Variants in ZNF407 observed in about 807,000 individuals in gnomAD.
ZNF407 encodes the protein zinc finger protein 407.
A neutral mutation model predicts 131.2 loss-of-function variants in ZNF407; 17 were observed. The observed-to-expected ratio is 0.13, with a 90% CI of 0.09 to 0.19. The LOEUF (loss-of-function observed/expected upper bound fraction) is 0.19. Among genes scored for constraint, ZNF407 ranks in the 10% least tolerant of loss-of-function variants. ZNF407 has a pLI of 1.00. For synonymous variants in ZNF407, 1,156 were observed against 1,062.0 expected (o/e 1.09, Z -1.72); for missense variants, 2,681 against 2,830.6 (o/e 0.95, Z 1.20).
intron 1 of ZNF407, among the ~76,000 whole-genome samples, chr18:74,606,018 A>G (rs1457272736): frequency 6.6e-6 from 1 of 152,202 alleles, no homozygotes. Context: ...TTTGGAGAGG[A>G]AAGAGGCCAT....
Position 74,900,035 on chromosome 18 carries a change from G to A in ZNF407, c.5249+9997G>A, listed in dbSNP as rs141303210. Reference sequence around the variant, plus strand: ...TTTGTGTTGGCATTCATTTGTTTGCGTAAAATCACTTTCTGAAATGTACTT... The same window carrying A: ...TTTGTGTTGGCATTCATTTGTTTGCATAAAATCACTTTCTGAAATGTACTT... On this transcript the variant is annotated intron_variant, in intron 7 of 8. Coordinates refer to ENST00000299687, the MANE Select transcript of ZNF407 (RefSeq NM_017757.3). Among the ~76,000 whole-genome samples, 1,190 of 152,280 alleles carry A rather than the reference G, an allele frequency of 7.8e-3. 7 individuals are homozygous for A. Among genetic ancestry groups the A allele is most frequent in the Non-Finnish European group, 0.013 (875 of 67,998 alleles).
chr18:74,947,568 G>A (rs980437706), intron 8 of ZNF407, among the ~76,000 whole-genome samples: 3 of 152,186 alleles, frequency 2.0e-5, no homozygotes, highest in African/African-American at 4.8e-5. Context: ...GCAGGTTCTA[G>A]TGCACACTGA....
intron 1 of ZNF407, among the ~76,000 whole-genome samples, chr18:74,600,379 C>T (rs1295753983): frequency 6.6e-6 from 1 of 152,186 alleles, no homozygotes; most frequent in Non-Finnish European, 1.5e-5. Context: ...AAACTGCCAC[C>T]TCTGTTGCTG....
intron 3 of ZNF407, among the ~76,000 whole-genome samples, chr18:74,651,287 G>C (rs570645503): frequency 6.6e-6 from 1 of 152,268 alleles, no homozygotes; most frequent in African/African-American, 2.4e-5. Flanking sequence ...TGCACTTTGG[G>C]AAGAAGTTAA....
chr18:74,673,032 G>A (rs1305047769), intron 3 of ZNF407, among the ~76,000 whole-genome samples: 1 of 152,102 alleles, frequency 6.6e-6, no homozygotes, highest in Non-Finnish European at 1.5e-5. Context: ...GTATTTACTG[G>A]GAGGTGCTGG....
intron 6 of ZNF407, among the ~76,000 whole-genome samples, chr18:74,882,210 G>A (rs1971248423): frequency 6.6e-6 from 1 of 152,174 alleles, no homozygotes; most frequent in Non-Finnish European, 1.5e-5. Flanking sequence ...AATCTAATGG[G>A]TCTTATGAGT....
chr18:74,886,540 C>T lies in ZNF407; in HGVS notation c.5129-3378C>T, dbSNP rs143246172. Among the ~76,000 whole-genome samples, 55 of 152,124 alleles carry T rather than the reference C, an allele frequency of 3.6e-4. No individual in the cohort carries two copies. In the East Asian group the frequency reaches 8.3e-3, roughly 23 times the overall value. On this transcript the variant is annotated intron_variant, in intron 6 of 8. Transcript: ENST00000299687. ...AATGGATAATCAAACTTGGTACACC[C>T]GTATAATGGAATACTACTCTGCAAC...
chr18:74,857,128 A>G (rs1344515430), intron 4 of ZNF407, among the ~76,000 whole-genome samples: 1 of 152,236 alleles, frequency 6.6e-6, no homozygotes, highest in Non-Finnish European at 1.5e-5. Flanking sequence ...TAATAAGAGT[A>G]TTAAAGACAG....
intron 1 of ZNF407, among the ~76,000 whole-genome samples, chr18:74,603,860 T>C (rs1021945237): frequency 3.9e-5 from 6 of 152,228 alleles, no homozygotes; most frequent in African/African-American, 1.4e-4. Context: ...TAATATTTTC[T>C]ATTATGGATA....
At chr18:75,060,567 G>A (rs1973617768) in intron 8 of ZNF407, among the ~76,000 whole-genome samples, 1 of 145,662 alleles carries the variant, frequency 6.9e-6, no homozygotes, top group East Asian at 2.0e-4. Context: ...GTGCGATGGC[G>A]CGGTCTCGGC....
Position 74,988,032 on chromosome 18 carries a change from A to G in ZNF407, c.5428+67340A>G, listed in dbSNP as rs149303023. Among the ~76,000 whole-genome samples, 532 of 152,344 alleles carry G rather than the reference A, an allele frequency of 3.5e-3. 4 individuals carry two copies. The highest frequency in any genetic ancestry group is 0.012 in the African/African-American group (494 of 41,582). On this transcript the variant is annotated intron_variant, in intron 8 of 8. Coordinates refer to ENST00000299687, the MANE Select transcript of ZNF407 (RefSeq NM_017757.3). ...GAAAACAAACTTGGAAGACATGCATACTGGATTCCAATACCTACTCTAAAG... is the reference window on the plus strand; with the variant it reads ...GAAAACAAACTTGGAAGACATGCATGCTGGATTCCAATACCTACTCTAAAG...
chr18:75,006,768 C>T (rs1301836185), intron 8 of ZNF407, among the ~76,000 whole-genome samples: 1 of 152,036 alleles, frequency 6.6e-6, no homozygotes, highest in Non-Finnish European at 1.5e-5. Flanking sequence ...AATTTGTCTG[C>T]CATTTACCAA....
At chr18:75,015,523 T>G (rs1973032801) in intron 8 of ZNF407, among the ~76,000 whole-genome samples, 1 of 148,004 alleles carries the variant, frequency 6.8e-6, no homozygotes, top group South Asian at 2.1e-4. Flanking sequence ...AATATATATG[T>G]TTATATATAA....
intron 4 of ZNF407, among the ~76,000 whole-genome samples, chr18:74,822,844 A>T (rs1434307802): frequency 6.6e-6 from 1 of 152,210 alleles, no homozygotes; most frequent in Non-Finnish European, 1.5e-5. Context: ...TTGAATCTAT[A>T]AATTACTTTG....
chr18:74,852,080 A>G (rs1970792450), intron 4 of ZNF407, among the ~76,000 whole-genome samples: 1 of 151,974 alleles, frequency 6.6e-6, no homozygotes, highest in Non-Finnish European at 1.5e-5. Context: ...ACAGGCGCCT[A>G]CCGCGGCAGA....
chr18:74,924,060 C>T (rs112916138), intron 8 of ZNF407, among the ~76,000 whole-genome samples: 2 of 152,166 alleles, frequency 1.3e-5, no homozygotes, highest in African/African-American at 4.8e-5. Context: ...AAGTAAGTCT[C>T]ACAGTCTTAT....
At chr18:75,049,101 G>A (rs868480813) in intron 8 of ZNF407, among the ~76,000 whole-genome samples, 1 of 138,174 alleles carries the variant, frequency 7.2e-6, no homozygotes, top group African/African-American at 2.9e-5. Flanking sequence ...TTTTTTTTGG[G>A]TGGGGGGGGG....
intron 3 of ZNF407, among the ~76,000 whole-genome samples, chr18:74,658,817 A>T (rs1985590813): frequency 6.6e-6 from 1 of 152,208 alleles, no homozygotes; most frequent in African/African-American, 2.4e-5. Flanking sequence ...GTAGACATTT[A>T]TTCAACTATG....
intron 4 of ZNF407, among the ~76,000 whole-genome samples, chr18:74,809,410 T>C (rs1345188692): frequency 6.6e-6 from 1 of 152,240 alleles, no homozygotes; most frequent in Non-Finnish European, 1.5e-5. Context: ...TATAGAAATA[T>C]GTACAAACTA....
Sources: allele counts gnomAD v4.1 joint callset (sites outside exome capture counted in the v4.1 genomes callset), GRCh38; gene constraint gnomAD v4.1.1; transcripts MANE v1.5; gene names NCBI Gene and HGNC (gene_info 2026-07-23, HGNC 2026-07-21).